PARD3B: variants seen among roughly 807,000 people sequenced by gnomAD.
PARD3B encodes the protein partitioning defective 3 homolog B.
Under a neutral mutation model 130.2 loss-of-function variants are expected in PARD3B, and 103 were observed. The observed-to-expected ratio is 0.79, with a 90% CI of 0.67 to 0.93. PARD3B has a LOEUF of 0.93. Ranked by LOEUF, PARD3B falls within the 40% of genes least tolerant of loss-of-function variation. PARD3B has a pLI of 0.00. For missense variants in PARD3B, 1,609 were observed against 1,499.2 expected, an observed-to-expected ratio of 1.07 and a Z score of -1.21; for synonymous variants, 583 against 553.2, an observed-to-expected ratio of 1.05 and a Z score of -0.76.
chr2:204,710,612 T>C (rs2038388009), intron 2 of PARD3B, among the ~76,000 whole-genome samples: 1 of 152,202 alleles, frequency 6.6e-6, no homozygotes, highest in African/African-American at 2.4e-5. Context: ...GTTCTCTGTC[T>C]CCCTGGTTCT....
At chr2:205,075,038 T>C (rs973367820) in intron 4 of PARD3B, among the ~76,000 whole-genome samples, 7 of 152,226 alleles carry the variant, frequency 4.6e-5, no homozygotes, top group African/African-American at 1.4e-4. Flanking sequence ...GGTACAATTT[T>C]ATAAATCAAA....
chr2:204,683,141 A>G (rs1431728781), intron 1 of PARD3B, among the ~76,000 whole-genome samples: 2 of 152,204 alleles, frequency 1.3e-5, no homozygotes, highest in African/African-American at 2.4e-5. Context: ...AATAATGTCA[A>G]AAGTGGAGAA....
chr2:204,580,348 C>A (rs2032487963), intron 1 of PARD3B, among the ~76,000 whole-genome samples: 1 of 152,126 alleles, frequency 6.6e-6, no homozygotes, highest in Admixed American at 6.5e-5. Flanking sequence ...TCCTGGGAAA[C>A]CCAGGCCTTC....
rs1398810056 is a variant in PARD3B at position 205,197,032 on chromosome 2, G to GTGTGT, written c.2140+3712_2140+3713insTGTGT. Among the ~76,000 whole-genome samples the GTGTGT allele has an allele frequency of 8.3e-3, 455 of 55,098 alleles. 2 individuals are homozygous for GTGTGT. Among genetic ancestry groups the GTGTGT allele is most frequent in the Middle Eastern group, 0.022 (3 of 138 alleles). The allele number at this position is 55,098 out of a possible 152,430, so 36.1% of individuals were successfully genotyped here. ...AGGAATGCTTCCACTGTGGGGGGGG[G>GTGTGT]GTGTGTGTGTGTGTGTGTGTGTGTG... On this transcript the variant is annotated intron_variant, in intron 15 of 22. Transcript: ENST00000406610.
intron 22 of PARD3B, among the ~76,000 whole-genome samples, chr2:205,605,584 G>C (rs973360194): frequency 3.9e-5 from 6 of 152,170 alleles, no homozygotes; most frequent in Admixed American, 3.3e-4. Context: ...ATCACCAGTG[G>C]AGGCTACCGA....
intron 2 of PARD3B, among the ~76,000 whole-genome samples, chr2:204,930,073 T>A (rs1687913520): frequency 6.6e-6 from 1 of 152,108 alleles, no homozygotes; most frequent in South Asian, 2.1e-4. Flanking sequence ...CTGGGACTTC[T>A]GTTCAAAGAA....
At chr2:205,578,532 T>C (rs958909188) in intron 22 of PARD3B, among the ~76,000 whole-genome samples, 2 of 152,160 alleles carry the variant, frequency 1.3e-5, no homozygotes, top group African/African-American at 2.4e-5. Flanking sequence ...ATATCTACTA[T>C]GAAACATAAA....
At chr2:205,033,071 A>T (rs1199757562) in intron 3 of PARD3B, among the ~76,000 whole-genome samples, 1 of 152,142 alleles carries the variant, frequency 6.6e-6, no homozygotes, top group Non-Finnish European at 1.5e-5. Context: ...GGCTGTTCTC[A>T]ACTCACTGGG....
chr2:204,997,354 T>C (rs1391170387), intron 3 of PARD3B, among the ~76,000 whole-genome samples: 2 of 152,350 alleles, frequency 1.3e-5, no homozygotes, highest in South Asian at 4.1e-4. Context: ...ATTCTTACAA[T>C]ACTGAGTCTT....
chr2:205,191,036 C>T lies in PARD3B; in HGVS notation c.2025-2169C>T, dbSNP rs112330160. Among the ~76,000 whole-genome samples the T allele has an allele frequency of 7.7e-3, 1,084 of 140,286 alleles. 14 individuals are homozygous for T. The highest frequency in any genetic ancestry group is 0.016 in the Middle Eastern group (4 of 248). 92.0% of individuals were successfully genotyped at this position (140,286 alleles called of 152,430 possible). A position where few individuals can be genotyped will look rare whatever the true frequency, so the allele number is the denominator to read the frequency against. On this transcript the variant is annotated intron_variant, in intron 14 of 22. Coordinates refer to ENST00000406610, the MANE Select transcript of PARD3B (RefSeq NM_001302769.2). ...AATACACTTTATATATCAATGGCTTCGTGTATTGAGAATGTACCCAGACAC... is the reference window on the plus strand; with the variant it reads ...AATACACTTTATATATCAATGGCTTTGTGTATTGAGAATGTACCCAGACAC...
At chr2:205,099,279 G>A (rs992210370) in intron 4 of PARD3B, among the ~76,000 whole-genome samples, 7 of 152,038 alleles carry the variant, frequency 4.6e-5, no homozygotes, top group Admixed American at 4.6e-4. Context: ...TTTTCTAGAG[G>A]CAAGTTTGAG....
At chr2:204,596,323 G>C (rs2033287540) in intron 1 of PARD3B, among the ~76,000 whole-genome samples, 1 of 152,008 alleles carries the variant, frequency 6.6e-6, no homozygotes, top group Non-Finnish European at 1.5e-5. Context: ...TGGCTTCATT[G>C]TTTTTCTTTC....
rs1272664506 is a variant in PARD3B at position 205,568,991 on chromosome 2, C to A, written c.3260+15588C>A. ...TTTTTAAAGTTTCTGATGTATATTG[C>A]CAGATTGACCTCCAAAAAGGTTGTA... On this transcript the variant is annotated intron_variant, in intron 22 of 22. Coordinates refer to ENST00000406610, the MANE Select transcript of PARD3B (RefSeq NM_001302769.2). This position sits in a 1 kb window ranked among gnomAD's most constrained non-coding sequence, Gnocchi z 5.3. Among the ~76,000 whole-genome samples, 3 of 152,116 alleles carry A rather than the reference C, an allele frequency of 2.0e-5. No individual in the cohort carries two copies. The highest frequency in any genetic ancestry group is 7.2e-5 in the African/African-American group (3 of 41,418).
intron 2 of PARD3B, among the ~76,000 whole-genome samples, chr2:204,940,133 T>C (rs775841130): frequency 6.6e-6 from 1 of 152,232 alleles, no homozygotes; most frequent in Non-Finnish European, 1.5e-5. Context: ...CATACCATAG[T>C]GTCTTTAGAA....
intron 1 of PARD3B, among the ~76,000 whole-genome samples, chr2:204,622,178 T>G (rs1574566220): frequency 1.3e-5 from 2 of 152,216 alleles, no homozygotes; most frequent in African/African-American, 4.8e-5. Flanking sequence ...AGCATGCCTC[T>G]CATTGTGCTG....
chr2:204,899,053 GTT>G (rs71032413), intron 2 of PARD3B, among the ~76,000 whole-genome samples: 11 of 147,870 alleles, frequency 7.4e-5, no homozygotes, highest in African/African-American at 1.2e-4. Context: ...GGAATATTAG[GTT>G]TTTTTTTTTT....
At chr2:205,151,278 CTGTT>C (rs2033737730) in intron 10 of PARD3B, among the ~76,000 whole-genome samples, 1 of 152,106 alleles carries the variant, frequency 6.6e-6, no homozygotes, top group African/African-American at 2.4e-5. Flanking sequence ...TCTATTAGGT[CTGTT>C]TGGTGCAGAG....
At chr2:205,129,217 C>T (rs1270851053) in intron 10 of PARD3B, among the ~76,000 whole-genome samples, 4 of 152,172 alleles carry the variant, frequency 2.6e-5, no homozygotes, top group Non-Finnish European at 4.4e-5. Flanking sequence ...TTTATAAGCA[C>T]CTAAGTCACG....
intron 19 of PARD3B, among the ~76,000 whole-genome samples, chr2:205,402,526 CA>C (rs2046287263): frequency 6.6e-6 from 1 of 152,050 alleles, no homozygotes; most frequent in African/African-American, 2.4e-5. Flanking sequence ...TTACTTGGGA[CA>C]GGGGAAAAAA....
Sources: allele counts gnomAD v4.1 joint callset (sites outside exome capture counted in the v4.1 genomes callset), GRCh38; gene constraint gnomAD v4.1.1; non-coding constraint Gnocchi (gnomAD v3.1); transcripts MANE v1.5; gene names NCBI Gene and HGNC (gene_info 2026-07-23, HGNC 2026-07-21).